NXPH1: variants seen among roughly 807,000 people sequenced by gnomAD.
The protein encoded by NXPH1 is neurexophilin 1.
In NXPH1, 5 loss-of-function variants were observed where a neutral mutation model predicts 23.7. That is an observed-to-expected ratio of 0.21 (90% CI 0.11 to 0.44). NXPH1 has a LOEUF of 0.44. NXPH1 is among the 20% of genes least tolerant of loss of function. NXPH1 has a pLI of 0.99. For synonymous variants in NXPH1, 144 were observed against 122.2 expected (o/e 1.18, Z -1.18); for missense variants, 324 against 321.6 (o/e 1.01, Z -0.06).
chr7:8,738,204 G>A (rs1351384783), intron 2 of NXPH1, among the ~76,000 whole-genome samples: 2 of 152,172 alleles, frequency 1.3e-5, no homozygotes, highest in Non-Finnish European at 1.5e-5. Flanking sequence ...TCATTTGGAG[G>A]AGAAGAGGCA....
chr7:8,607,029 A>T (rs1315442727), intron 2 of NXPH1, among the ~76,000 whole-genome samples: 1 of 152,122 alleles, frequency 6.6e-6, no homozygotes, highest in African/African-American at 2.4e-5. Flanking sequence ...TTTATTGAAT[A>T]ATTTTAGTTG....
intron 2 of NXPH1, among the ~76,000 whole-genome samples, chr7:8,589,321 G>C (rs1427772241): frequency 6.6e-6 from 1 of 152,072 alleles, no homozygotes; most frequent in Non-Finnish European, 1.5e-5. Context: ...TAAGTCACAA[G>C]GTATAAGATT....
At chr7:8,501,555 A>T (rs879851033) in intron 2 of NXPH1, among the ~76,000 whole-genome samples, 13 of 152,168 alleles carry the variant, frequency 8.5e-5, no homozygotes, top group Admixed American at 3.9e-4. Context: ...ATAATTTCAA[A>T]ACTCTAGAGT....
At chr7:8,453,885 T>C (rs911330444) in intron 2 of NXPH1, among the ~76,000 whole-genome samples, 7 of 152,138 alleles carry the variant, frequency 4.6e-5, no homozygotes, top group Non-Finnish European at 8.8e-5. Flanking sequence ...AGTGAACATA[T>C]GCATGCATGT....
At chr7:8,547,072 T>C (rs1365245552) in intron 2 of NXPH1, among the ~76,000 whole-genome samples, 1 of 151,382 alleles carries the variant, frequency 6.6e-6, no homozygotes, top group Non-Finnish European at 1.5e-5. Flanking sequence ...CTGAAGTCTA[T>C]ATGGAAGTAA....
intron 2 of NXPH1, among the ~76,000 whole-genome samples, chr7:8,569,664 T>G (rs1055389549): frequency 6.6e-6 from 1 of 151,842 alleles, no homozygotes; most frequent in South Asian, 2.1e-4. Context: ...TGTGTGTGTT[T>G]CAGAGTTTTC....
At chr7:8,714,677 G>T (rs1779849273) in intron 2 of NXPH1, among the ~76,000 whole-genome samples, 1 of 152,106 alleles carries the variant, frequency 6.6e-6, no homozygotes, top group Non-Finnish European at 1.5e-5. Context: ...CCAGGACTGG[G>T]TCTTTCCCTT....
intron 2 of NXPH1, among the ~76,000 whole-genome samples, chr7:8,474,031 C>A (rs1334502927): frequency 6.6e-6 from 1 of 152,142 alleles, no homozygotes; most frequent in Admixed American, 6.6e-5. Context: ...CAAGAGCCTG[C>A]TGTGACTACT....
intron 2 of NXPH1, among the ~76,000 whole-genome samples, chr7:8,510,121 T>C (rs1817589093): frequency 6.6e-6 from 1 of 152,102 alleles, no homozygotes; most frequent in Admixed American, 6.6e-5. Flanking sequence ...AAATTGTTCA[T>C]ATACAAAGGA....
At chr7:8,712,648 CA>C (rs1779814784) in intron 2 of NXPH1, among the ~76,000 whole-genome samples, 1 of 152,148 alleles carries the variant, frequency 6.6e-6, no homozygotes, top group Non-Finnish European at 1.5e-5. Flanking sequence ...TACTGTGTAC[CA>C]AAAACTTTAC....
intron 2 of NXPH1, among the ~76,000 whole-genome samples, chr7:8,694,820 T>A (rs1821279760): frequency 6.6e-6 from 1 of 152,074 alleles, no homozygotes; most frequent in Admixed American, 6.6e-5. Flanking sequence ...CTTCTCAGAG[T>A]TAGATACATG....
chr7:8,710,898 A>G lies in NXPH1; in HGVS notation c.55-40110A>G, dbSNP rs988749683. Among the ~76,000 whole-genome samples the G allele has an allele frequency of 3.4e-4, 50 of 147,620 alleles. 2 individuals are homozygous for G. The highest frequency in any genetic ancestry group is 8.0e-4 in the East Asian group (4 of 4,992). ...AGGATGGTCTCGATCTCCTGACCTC[A>G]TGATCCACCCGCCTCGGCCTCCCAA... On this transcript the variant is annotated intron_variant, in intron 2 of 2. Transcript: ENST00000405863.
intron 2 of NXPH1, among the ~76,000 whole-genome samples, chr7:8,545,261 A>C (rs938941954): frequency 2.6e-5 from 4 of 151,374 alleles, no homozygotes; most frequent in Non-Finnish European, 5.9e-5. Context: ...GACAATTTCT[A>C]CTCTTGGGAT....
intron 2 of NXPH1, among the ~76,000 whole-genome samples, chr7:8,624,706 C>A (rs1819950356): frequency 6.6e-6 from 1 of 152,070 alleles, no homozygotes; most frequent in African/African-American, 2.4e-5. Context: ...ACAGTAAAGA[C>A]AATTGCAGAG....
Position 8,435,828 on chromosome 7 carries a change from G to A in NXPH1, c.54+61G>A, listed in dbSNP as rs1816184276. The A allele has an allele frequency of 2.0e-6, 3 of 1,474,374 alleles. No homozygotes were observed. Among genetic ancestry groups the A allele is most frequent in the South Asian group, 2.3e-5 (2 of 88,296 alleles). 91.3% of individuals were successfully genotyped at this position (1,474,374 alleles called of 1,614,324 possible). On this transcript the variant is annotated intron_variant, in intron 2 of 2. Transcript: ENST00000405863. The surrounding 1 kb of genome is among the most constrained non-coding windows in gnomAD (Gnocchi z 5.9). ...ACCCCGGCCGGGAGGCAAGGAAACT[G>A]GGGACACGCGGGAGAAGGGTTACGC...
chr7:8,532,223 A>G (rs773806632), intron 2 of NXPH1, among the ~76,000 whole-genome samples: 2 of 152,164 alleles, frequency 1.3e-5, no homozygotes, highest in Non-Finnish European at 2.9e-5. Flanking sequence ...CATTTAATTC[A>G]ATCTGGCACC....
At chr7:8,452,629 C>A (rs1367694101) in intron 2 of NXPH1, among the ~76,000 whole-genome samples, 1 of 151,976 alleles carries the variant, frequency 6.6e-6, no homozygotes, top group African/African-American at 2.4e-5. Flanking sequence ...CTAGGCAAAG[C>A]CATTTAGGTA....
intron 2 of NXPH1, among the ~76,000 whole-genome samples, chr7:8,717,894 G>GTGTATATATATATATATATA (rs71545892): frequency 2.0e-5 from 3 of 147,152 alleles, no homozygotes; most frequent in Non-Finnish European, 4.5e-5. Flanking sequence ...CTCTCTGTGT[G>GTGTATATATATATATATATA]TATATATATA....
intron 2 of NXPH1, among the ~76,000 whole-genome samples, chr7:8,640,503 T>C (rs1452910567): frequency 6.6e-6 from 1 of 151,908 alleles, no homozygotes; most frequent in East Asian, 1.9e-4. Context: ...CTGTATCCTG[T>C]ACTTCTTTAC....
Sources: gnomAD v4.1 joint callset for allele counts (sites outside exome capture counted in the v4.1 genomes callset) on GRCh38, gnomAD v4.1.1 for gene constraint, Gnocchi (gnomAD v3.1) non-coding constraint, MANE v1.5 for transcripts, NCBI Gene and HGNC (gene_info 2026-07-23, HGNC 2026-07-21) for gene names.